ZNF600: variants seen among roughly 807,000 people sequenced by gnomAD.
ZNF600 encodes the protein zinc finger protein KR-ZNF1.
Under a neutral mutation model 7.3 loss-of-function variants are expected in ZNF600, and 4 were observed. That is an observed-to-expected ratio of 0.55 (90% CI 0.27 to 1.25). The LOEUF is 1.25. Ranked by LOEUF, ZNF600 falls within the 50% of genes most tolerant of loss-of-function variation. The pLI, the probability that ZNF600 is intolerant of heterozygous loss-of-function variation, is 0.12. For synonymous variants in ZNF600, 290 were observed against 308.9 expected (o/e 0.94, Z 0.64); for missense variants, 911 against 922.1 (o/e 0.99, Z 0.16).
chr19:52,822,825 C>T, the ZNF600 span, among the ~76,000 whole-genome samples: 3 of 152,064 alleles, frequency 2.0e-5, no homozygotes, highest in Non-Finnish European at 4.4e-5. Context: ...TGCTACAGTC[C>T]GACAGAAACT....
At chr19:52,776,075 C>T (rs1285995850) in intron 2 of ZNF600, among the ~76,000 whole-genome samples, 1 of 67,020 alleles carries the variant, frequency 1.5e-5, no homozygotes, top group Non-Finnish European at 3.4e-5. Context: ...TTTTTGAATG[C>T]TTCCCACTGT....
the ZNF600 span, chr19:52,801,038 T>C: frequency 6.2e-7 from 1 of 1,614,150 alleles, no homozygotes; most frequent in Non-Finnish European, 8.5e-7. Flanking sequence ...ACTTGTAAGG[T>C]TTCTCATCAA....
intron 3 of ZNF600, among the ~76,000 whole-genome samples, chr19:52,771,337 T>G (rs980494088): frequency 6.6e-6 from 1 of 152,150 alleles, no homozygotes; most frequent in Admixed American, 6.6e-5. Context: ...GCTTTCAAGT[T>G]TCAGCTATTT....
chr19:52,772,205 C>A (rs1345246389), intron 3 of ZNF600, among the ~76,000 whole-genome samples: 1 of 151,688 alleles, frequency 6.6e-6, no homozygotes, highest in Non-Finnish European at 1.5e-5. Flanking sequence ...CTACTTGGGA[C>A]CCTGAGGCTG....
the ZNF600 span, among the ~76,000 whole-genome samples, chr19:52,811,499 C>T: frequency 1.3e-5 from 2 of 149,326 alleles, no homozygotes; most frequent in Non-Finnish European, 3.0e-5. Context: ...GCGTCTCTGC[C>T]CGGCCGCCCA....
At chr19:52,826,156 C>T in the ZNF600 span, among the ~76,000 whole-genome samples, 1 of 152,064 alleles carries the variant, frequency 6.6e-6, no homozygotes, top group Non-Finnish European at 1.5e-5. Context: ...AGTGGTTGCT[C>T]AACGCCTGTA....
chr19:52,794,656 C>T, the ZNF600 span, among the ~76,000 whole-genome samples: 1 of 152,066 alleles, frequency 6.6e-6, no homozygotes, highest in South Asian at 2.1e-4. Flanking sequence ...GAATTTGAAA[C>T]CAACGTGGGA....
At chr19:52,822,722 C>T in the ZNF600 span, among the ~76,000 whole-genome samples, 2 of 152,168 alleles carry the variant, frequency 1.3e-5, no homozygotes, top group Non-Finnish European at 2.9e-5. Context: ...AGCTAGTTAG[C>T]TTCATGCAGA....
At chr19:52,786,809 G>T, upstream of ZNF600, 1 of 343,022 alleles carries the variant, frequency 2.9e-6, no homozygotes, top group Non-Finnish European at 6.2e-6. Flanking sequence ...GGCCGGGGCA[G>T]GTTGGCTGGA....
chr19:52,791,966 C>T, the ZNF600 span, among the ~76,000 whole-genome samples: 1 of 152,236 alleles, frequency 6.6e-6, no homozygotes, highest in African/African-American at 2.4e-5. Context: ...CAATGCTGCA[C>T]ACAGATGACA....
the ZNF600 span, chr19:52,800,912 T>A: frequency 2.5e-6 from 4 of 1,614,132 alleles, no homozygotes; most frequent in African/African-American, 1.3e-5. Flanking sequence ...CAAGGTGTGA[T>A]TTGCGACTGA....
chr19:52,817,807 A>G, the ZNF600 span: 18 of 1,544,250 alleles, frequency 1.2e-5, no homozygotes, highest in South Asian at 1.7e-4. Flanking sequence ...AGATGAGATG[A>G]ACTGAAGGAA....
rs10415494 is a variant in ZNF600, at chr19:52,777,519, C to A, written c.63+1307G>T. On this transcript the variant is annotated intron_variant, in intron 2 of 3. Coordinates refer to ENST00000648973, the Ensembl canonical transcript of ZNF600. ...TTGCACCACTGCACTCCAGCCTGGA[C>A]AACAAAATAAAAATACGATATAAAA... 5.3e-3 allele frequency among the ~76,000 whole-genome samples: 806 copies of A among 152,120 alleles called. 10 individuals carry two copies. Among genetic ancestry groups the A allele is most frequent in the African/African-American group, 0.018 (744 of 41,506 alleles).
At chr19:52,825,512 A>T in the ZNF600 span, among the ~76,000 whole-genome samples, 3 of 151,914 alleles carry the variant, frequency 2.0e-5, no homozygotes, top group African/African-American at 7.3e-5. Flanking sequence ...CATCTCTACT[A>T]AAAATATAAC....
At chr19:52,812,295 ATGACAATGG>A in the ZNF600 span, among the ~76,000 whole-genome samples, 1 of 141,262 alleles carries the variant, frequency 7.1e-6, no homozygotes, top group Admixed American at 6.9e-5. Context: ...ACGGGCCATG[ATGACAATGG>A]CGGTTTTGTG....
At chr19:52,775,716 C>A (rs1213507948) in intron 2 of ZNF600, among the ~76,000 whole-genome samples, 1 of 152,154 alleles carries the variant, frequency 6.6e-6, no homozygotes, top group East Asian at 1.9e-4. Context: ...AATCTAAAAA[C>A]TGTCATGACT....
At position 52,776,765 on chromosome 19, in the gene ZNF600, T is replaced by TAA. The variant is rs200901164; in HGVS notation, c.63+2059_63+2060dup. ...AAATCATTACAATTATTATAAAAAA[T>TAA]AACTTATTGCAAATGTTGTGTTTTC... On this transcript the variant is annotated intron_variant, in intron 2 of 3. Transcript: ENST00000648973. 2.1e-3 allele frequency among the ~76,000 whole-genome samples: 314 copies of TAA among 151,878 alleles called. 9 individuals carry two copies. The East Asian group carries it at 0.046, about 22-fold the overall frequency.
At chr19:52,809,881 G>A in the ZNF600 span, 1 of 740,190 alleles carries the variant, frequency 1.4e-6, no homozygotes, top group Non-Finnish European at 2.3e-6. Flanking sequence ...GGCGGTCCGG[G>A]ATCCAGGCCG....
upstream of ZNF600, among the ~76,000 whole-genome samples, chr19:52,788,823 T>C (rs2062784758): frequency 6.6e-6 from 1 of 152,182 alleles, no homozygotes; most frequent in South Asian, 2.1e-4. Context: ...GTAGGTATTA[T>C]TGAGGGTGGG....
Sources: gnomAD v4.1 joint callset for allele counts (sites outside exome capture counted in the v4.1 genomes callset) on GRCh38, gnomAD v4.1.1 for gene constraint, MANE v1.5 for transcripts, NCBI Gene and HGNC (gene_info 2026-07-23, HGNC 2026-07-21) for gene names.